Variants in GABRB1 observed in about 807,000 individuals in gnomAD.
The protein encoded by GABRB1 is gamma-aminobutyric acid receptor subunit beta-1.
Under a neutral mutation model 51.6 loss-of-function variants are expected in GABRB1, and 17 were observed. That is an observed-to-expected ratio of 0.33 (90% CI 0.23 to 0.49). The LOEUF (loss-of-function observed/expected upper bound fraction) is 0.49. Among genes scored for constraint, GABRB1 ranks in the 20% least tolerant of loss-of-function variants. The pLI is 0.99. For missense variants in GABRB1, 410 were observed against 600.6 expected (o/e 0.68, Z 3.32); for synonymous variants, 247 against 218.9 (o/e 1.13, Z -1.14).
upstream of GABRB1, among the ~76,000 whole-genome samples, chr4:47,030,001 C>A (rs112914428): frequency 2.8e-3 from 430 of 152,092 alleles, 3 homozygotes; most frequent in African/African-American, 9.3e-3. Flanking sequence ...GTTTTCTTGG[C>A]TTTTATTTAC....
chr4:47,152,673 C>T (rs1177623984), intron 3 of GABRB1, among the ~76,000 whole-genome samples: 1 of 151,892 alleles, frequency 6.6e-6, no homozygotes, highest in Non-Finnish European at 1.5e-5. Flanking sequence ...CCACTGACAC[C>T]CACAACACAA....
intron 3 of GABRB1, among the ~76,000 whole-genome samples, chr4:47,160,028 G>A (rs1386758440): frequency 6.6e-6 from 1 of 151,880 alleles, no homozygotes; most frequent in African/African-American, 2.4e-5. Context: ...TCCTTTAATG[G>A]GCAATTTTAC....
intron 2 of GABRB1, 45 bp downstream of exon 2, chr4:47,032,050 C>G (rs1725326837): frequency 1.6e-6 from 2 of 1,281,878 alleles, no homozygotes; most frequent in Non-Finnish European, 2.2e-6. Context: ...CCTTAGTTCT[C>G]CTTTTCTGTC....
At chr4:47,288,842 G>A (rs1281298143) in intron 4 of GABRB1, among the ~76,000 whole-genome samples, 4 of 152,184 alleles carry the variant, frequency 2.6e-5, no homozygotes, top group Non-Finnish European at 4.4e-5. Context: ...AGCTGATGGA[G>A]CCTGGCTATG....
chr4:47,306,984 T>C (rs967196827), intron 4 of GABRB1, among the ~76,000 whole-genome samples: 30 of 152,240 alleles, frequency 2.0e-4, no homozygotes, highest in African/African-American at 7.0e-4. Flanking sequence ...AGAAGTATAG[T>C]GGCTGAGTCA....
At chr4:47,389,872 G>A (rs187771859) in intron 5 of GABRB1, among the ~76,000 whole-genome samples, 2 of 152,278 alleles carry the variant, frequency 1.3e-5, no homozygotes, top group East Asian at 3.9e-4. Flanking sequence ...AAGAGTAAGA[G>A]GAATTAGGGA....
intron 3 of GABRB1, among the ~76,000 whole-genome samples, chr4:47,056,539 G>T (rs767431081): frequency 6.6e-6 from 1 of 152,072 alleles, no homozygotes; most frequent in Non-Finnish European, 1.5e-5. Flanking sequence ...ATCATCAAAA[G>T]TCAAACATGA....
chr4:47,405,638 GAA>G (rs1728542487), intron 7 of GABRB1, among the ~76,000 whole-genome samples: 1 of 152,036 alleles, frequency 6.6e-6, no homozygotes. Flanking sequence ...TATAAAATGA[GAA>G]TAATATACAC....
chr4:47,251,807 C>G (rs1721998547), intron 4 of GABRB1, among the ~76,000 whole-genome samples: 1 of 152,082 alleles, frequency 6.6e-6, no homozygotes, highest in African/African-American at 2.4e-5. Flanking sequence ...AGCTCCCATG[C>G]AAACTGAAGG....
At chr4:47,235,394 C>T (rs1350145112) in intron 4 of GABRB1, among the ~76,000 whole-genome samples, 1 of 152,010 alleles carries the variant, frequency 6.6e-6, no homozygotes, top group Non-Finnish European at 1.5e-5. Flanking sequence ...ACTAAAAATA[C>T]AAAAATTAGC....
At chr4:47,341,283 C>A (rs1171471250) in intron 5 of GABRB1, among the ~76,000 whole-genome samples, 3 of 152,122 alleles carry the variant, frequency 2.0e-5, no homozygotes, top group Non-Finnish European at 4.4e-5. Context: ...AAATACCCAC[C>A]AAGTCATAAG....
intron 4 of GABRB1, among the ~76,000 whole-genome samples, chr4:47,270,003 G>A (rs1457158119): frequency 7.0e-6 from 1 of 142,754 alleles, no homozygotes; most frequent in Non-Finnish European, 1.5e-5. Context: ...TCTTAAAGAA[G>A]TCCAACAAAT....
rs114115923 is a variant in GABRB1 at position 47,111,006 on chromosome 4, G to A, written c.241-50243G>A. 2.9e-3 allele frequency among the ~76,000 whole-genome samples: 444 copies of A among 152,260 alleles called. 5 individuals are homozygous for A. The highest frequency in any genetic ancestry group is 0.01 in the African/African-American group (429 of 41,560). On this transcript the variant is annotated intron_variant, in intron 3 of 8. Transcript: ENST00000295454. ...AAAAAGGATATTATAACATAAGGCA[G>A]GGATTTTATATGCCCATAATAACAA...
chr4:47,295,868 G>A (rs1723968002), intron 4 of GABRB1, among the ~76,000 whole-genome samples: 1 of 152,174 alleles, frequency 6.6e-6, no homozygotes, highest in African/African-American at 2.4e-5. Context: ...GAAAGGTCGG[G>A]TTAACCACAA....
intron 3 of GABRB1, among the ~76,000 whole-genome samples, chr4:47,107,183 A>G (rs754290189): frequency 6.6e-6 from 1 of 152,130 alleles, no homozygotes; most frequent in Non-Finnish European, 1.5e-5. Flanking sequence ...TCAGCTCAAA[A>G]GAAAAATAGA....
At chr4:47,344,898 T>G (rs1726035381) in intron 5 of GABRB1, among the ~76,000 whole-genome samples, 2 of 152,016 alleles carry the variant, frequency 1.3e-5, no homozygotes, top group Non-Finnish European at 2.9e-5. Flanking sequence ...AATTTTTGTA[T>G]TTTTAGTAGA....
At chr4:47,170,513 A>G (rs930133692) in intron 4 of GABRB1, among the ~76,000 whole-genome samples, 1 of 152,154 alleles carries the variant, frequency 6.6e-6, no homozygotes, top group East Asian at 1.9e-4. Context: ...CCACAGTGAA[A>G]GAAATTGTTT....
At chr4:47,306,573 A>G (rs1392575175) in intron 4 of GABRB1, among the ~76,000 whole-genome samples, 1 of 151,760 alleles carries the variant, frequency 6.6e-6, no homozygotes, top group East Asian at 1.9e-4. Context: ...TCCTTCCCCT[A>G]CCTCTCCCTC....
intron 3 of GABRB1, among the ~76,000 whole-genome samples, chr4:47,051,586 T>A (rs1401206661): frequency 2.0e-5 from 3 of 152,158 alleles, no homozygotes; most frequent in Non-Finnish European, 4.4e-5. Flanking sequence ...TTGGTATAGT[T>A]TTTGGGAATT....
Sources: allele counts gnomAD v4.1 joint callset (sites outside exome capture counted in the v4.1 genomes callset), GRCh38; gene constraint gnomAD v4.1.1; transcripts MANE v1.5; gene names NCBI Gene and HGNC (gene_info 2026-07-23, HGNC 2026-07-21).